CLPX: variants seen among roughly 807,000 people sequenced by gnomAD.
CLPX encodes the protein ATP-dependent clpX-like chaperone, mitochondrial.
A neutral mutation model predicts 76.4 loss-of-function variants in CLPX; 34 were observed. That is an observed-to-expected ratio of 0.45 (90% confidence interval 0.34 to 0.59). The LOEUF (loss-of-function observed/expected upper bound fraction) is 0.59, where lower values mean the gene tolerates loss of function less well. Ranked by LOEUF, CLPX falls within the 20% of genes least tolerant of loss-of-function variation. The pLI, the probability that CLPX is intolerant of heterozygous loss-of-function variation, is 0.01. For synonymous variants in CLPX, 248 were observed against 270.9 expected, an observed-to-expected ratio of 0.92 and a Z score of 0.83; for missense variants, 613 against 757.0, an observed-to-expected ratio of 0.81 and a Z score of 2.23.
chr15:65,170,890 T>C (rs1289724183), intron 3 of CLPX, among the ~76,000 whole-genome samples: 1 of 144,684 alleles, frequency 6.9e-6, no homozygotes, highest in Non-Finnish European at 1.5e-5. Flanking sequence ...TGGCACGATC[T>C]GGGCTCACTG....
rs766294701 is a variant in CLPX, at chr15:65,150,857, CCTT to C, written c.1865_1867del (p.Glu622del). 39 of 1,613,290 alleles carry C rather than the reference CCTT, an allele frequency of 2.4e-5. No individual in the cohort carries two copies. Among genetic ancestry groups the C allele is most frequent in the South Asian group, 3.3e-5 (3 of 90,976 alleles). On this transcript the variant is annotated inframe_deletion, in exon 14 of 14. Transcript: ENST00000300107. ...TGCAGCATCTGCTTGGCGGGGCCATCCTTCTTCTTCAACTCCAGAGTCATACTC... is the reference window on the plus strand; with the variant it reads ...TGCAGCATCTGCTTGGCGGGGCCATCCTTCTTCAACTCCAGAGTCATACTC...
chr15:65,184,701 G>A (rs1205554517), intron 1 of CLPX, among the ~76,000 whole-genome samples: 2 of 152,230 alleles, frequency 1.3e-5, no homozygotes, highest in Admixed American at 1.3e-4. Context: ...CGGAAGAAGA[G>A]CCGCAGCCAT....
rs1315593643 is a variant in CLPX, at chr15:65,149,902, C to T, written c.*921G>A. ...AAAAGATGGTAAATAAATCAGACAA[C>T]TTGGTAAGAAAATGGCCTTTTTTAC... On this transcript the variant is annotated 3_prime_UTR_variant, in exon 14 of 14. Coordinates refer to ENST00000300107, the MANE Select transcript of CLPX (RefSeq NM_006660.5). The T allele has an allele frequency of 6.7e-6, 1 of 150,288 alleles. No individual in the cohort carries two copies. The highest frequency in any genetic ancestry group is 1.5e-5 in the Non-Finnish European group (1 of 68,500). The allele number at this position is 150,288 out of a possible 1,614,324, so 9.3% of individuals were successfully genotyped here.
chr15:65,155,719 T>A lies in CLPX; in HGVS notation c.1284A>T (p.Arg428Ser). The change falls in exon 10 of 14, where the codon AGA becomes AGT. Residue 428 changes from arginine (R) to serine (S), a missense_variant. By Grantham distance (110) the Arg-to-Ser change is moderately radical. Coordinates refer to ENST00000300107, the MANE Select transcript of CLPX (RefSeq NM_006660.5). ...VASGAFNGLD[R>S]IISRRKNEKY... is the part of the protein sequence containing the mutation. ...TTTCATTTTTCCTCCTGCTGATGAT[T>A]CTGTCTAAACCATTGAAAGCACCAG... 1 of 1,612,744 alleles carries A rather than the reference T, an allele frequency of 6.2e-7. No homozygotes were observed. Among genetic ancestry groups the A allele is most frequent in the Non-Finnish European group, 8.5e-7 (1 of 1,179,386 alleles).
chr15:65,156,473 C>T (rs1282537158), intron 9 of CLPX, among the ~76,000 whole-genome samples: 1 of 151,982 alleles, frequency 6.6e-6, no homozygotes, highest in Admixed American at 6.6e-5. Flanking sequence ...TTATTTTATA[C>T]CTATCTTCTA....
intron 1 of CLPX, among the ~76,000 whole-genome samples, chr15:65,181,696 C>T (rs923658688): frequency 6.6e-5 from 10 of 151,722 alleles, no homozygotes; most frequent in African/African-American, 2.4e-4. Context: ...TTGCAGTGAG[C>T]CGAGATTGCG....
At position 65,154,782 on chromosome 15, in the gene CLPX, C is replaced by A; in HGVS notation, c.1611G>T (p.Lys537Asn). ...TAAGTACAAAAAATAAAAATCTAAC[C>A]TTATCCATGCTGAATAAGGCCTGGT... is the stretch of plus-strand genomic sequence containing the variant. ...PQYQALFSMD[K>N]CELNVTEDAL... The change falls in exon 11 of 14, where the codon AAG becomes AAT. Residue 537 changes from lysine to asparagine, a missense_variant and splice_region_variant. Lys to Asn is a moderately conservative substitution (Grantham distance 94). Coordinates refer to ENST00000300107, the MANE Select transcript of CLPX (RefSeq NM_006660.5). 6.3e-7 allele frequency: 1 copy of A among 1,591,894 alleles called. No individual in the cohort carries two copies.
intron 3 of CLPX, among the ~76,000 whole-genome samples, chr15:65,173,268 G>A (rs954970920): frequency 4.6e-5 from 7 of 151,308 alleles, no homozygotes; most frequent in Non-Finnish European, 1.0e-4. Context: ...TACTTGGGAG[G>A]CTGAGACAGA....
intron 1 of CLPX, among the ~76,000 whole-genome samples, chr15:65,183,618 G>C (rs1382584177): frequency 1.3e-5 from 2 of 151,858 alleles, no homozygotes; most frequent in Non-Finnish European, 2.9e-5. Flanking sequence ...CAGTCGTTTT[G>C]AAAAGAAAAA....
chr15:65,183,228 C>A (rs1011376583), intron 1 of CLPX, among the ~76,000 whole-genome samples: 2 of 151,386 alleles, frequency 1.3e-5, no homozygotes, highest in African/African-American at 4.9e-5. Context: ...TTTGGGAGGC[C>A]GAGGCGGACG....
chr15:65,174,698 T>C (rs962124142), intron 3 of CLPX, among the ~76,000 whole-genome samples: 3 of 152,214 alleles, frequency 2.0e-5, no homozygotes, highest in African/African-American at 7.2e-5. Flanking sequence ...AGGAGACTAG[T>C]TCTAGGACCA....
intron 2 of CLPX, among the ~76,000 whole-genome samples, chr15:65,179,368 A>G (rs542769172): frequency 2.6e-4 from 39 of 152,326 alleles, no homozygotes; most frequent in African/African-American, 8.7e-4. Flanking sequence ...CATTTCAATG[A>G]AATTGAATCA....
chr15:65,167,905 T>C (rs1237859922), intron 3 of CLPX, among the ~76,000 whole-genome samples: 1 of 151,396 alleles, frequency 6.6e-6, no homozygotes, highest in Admixed American at 6.6e-5. Context: ...AATATATATA[T>C]AATTATTTCA....
At chr15:65,162,794 T>C (rs953983967) in intron 5 of CLPX, 149 bp from the exon 6 acceptor site, 2 of 547,292 alleles carry the variant, frequency 3.7e-6, no homozygotes, top group Non-Finnish European at 6.4e-6. Flanking sequence ...CTTTTCTATA[T>C]TAAAACAAAA....
At chr15:65,155,491 G>A (rs1308860204) in intron 10 of CLPX, among the ~76,000 whole-genome samples, 1 of 152,082 alleles carries the variant, frequency 6.6e-6, no homozygotes, top group Non-Finnish European at 1.5e-5. Flanking sequence ...CAGGCAATCT[G>A]CCCACCTTGG....
chr15:65,180,521 T>C (rs1397864198), intron 1 of CLPX, among the ~76,000 whole-genome samples: 2 of 152,136 alleles, frequency 1.3e-5, no homozygotes, highest in African/African-American at 2.4e-5. Flanking sequence ...CTGTAAGATT[T>C]TGAAAAAGGC....
chr15:65,157,949 A>G (rs961874654), intron 7 of CLPX, 39 bp from the exon 8 acceptor site: 2 of 1,507,226 alleles, frequency 1.3e-6, no homozygotes, highest in Admixed American at 4.6e-5. Flanking sequence ...TACTGAAAAT[A>G]TATTGGCACA....
At chr15:65,167,899 T>C (rs889364138) in intron 3 of CLPX, among the ~76,000 whole-genome samples, 2 of 150,884 alleles carry the variant, frequency 1.3e-5, no homozygotes, top group African/African-American at 4.9e-5. Context: ...GAAAAAAATA[T>C]ATATATAATT....
intron 3 of CLPX, among the ~76,000 whole-genome samples, chr15:65,176,051 A>G (rs2088087697): frequency 6.6e-6 from 1 of 152,038 alleles, no homozygotes; most frequent in South Asian, 2.1e-4. Context: ...TTCCTTCTAC[A>G]TTTTCTACTC....
Sources: allele counts gnomAD v4.1 joint callset (sites outside exome capture counted in the v4.1 genomes callset), GRCh38; gene constraint gnomAD v4.1.1; transcripts MANE v1.5; gene names NCBI Gene and HGNC (gene_info 2026-07-23, HGNC 2026-07-21).